DDB2: variants seen among roughly 807,000 people sequenced by gnomAD.
DDB2 encodes the protein DNA damage-binding protein 2.
In DDB2, 27 loss-of-function variants were observed where a neutral mutation model predicts 50.5. The observed-to-expected ratio is 0.53, with a 90% CI of 0.39 to 0.74. The LOEUF is 0.74. Among genes scored for constraint, DDB2 ranks in the 30% least tolerant of loss-of-function variants. The pLI is 0.00. For missense variants in DDB2, 424 were observed against 545.6 expected (o/e 0.78, Z 2.22); for synonymous variants, 176 against 205.5 (o/e 0.86, Z 1.23).
At chr11:47,222,542 C>T (rs2135492873) in intron 3 of DDB2, among the ~76,000 whole-genome samples, 1 of 152,298 alleles carries the variant, frequency 6.6e-6, no homozygotes, top group South Asian at 2.1e-4. Flanking sequence ...ACAGAGGTCT[C>T]ACTGTGTTGC....
Position 47,238,864 on chromosome 11 carries a change from G to C in DDB2, c.*15G>C. 6.2e-7 allele frequency: 1 copy of C among 1,613,026 alleles called. No individual in the cohort carries two copies. Among genetic ancestry groups the C allele is most frequent in the Non-Finnish European group, 8.5e-7 (1 of 1,179,776 alleles). On this transcript the variant is annotated 3_prime_UTR_variant, in exon 10 of 10. Transcript: ENST00000256996. ...CACGGAAGTGAGAGACACTAAAGAA[G>C]GTGTGGGCCAGACAAGGCCTTGGAG...
intron 3 of DDB2, among the ~76,000 whole-genome samples, chr11:47,225,556 C>T (rs1429230401): frequency 2.0e-5 from 3 of 151,580 alleles, no homozygotes; most frequent in Admixed American, 2.0e-4. Flanking sequence ...TATGCCACTG[C>T]ACTCCAGCCT....
upstream of DDB2, chr11:47,214,649 T>C (rs1165970089): frequency 1.5e-5 from 3 of 195,262 alleles, no homozygotes; most frequent in African/African-American, 2.4e-5. Flanking sequence ...CGTACGCTTG[T>C]AGTCCCATCT....
At chr11:47,215,339 T>C in intron 1 of DDB2, 76 bp downstream of exon 1, 1 of 1,607,114 alleles carries the variant, frequency 6.2e-7, no homozygotes, top group East Asian at 2.2e-5. Flanking sequence ...GGGGGATGGG[T>C]GCTCCGAGGC....
At chr11:47,238,098 C>T (rs1444440321) in intron 8 of DDB2, 40 bp from the exon 9 acceptor site, 1 of 1,609,452 alleles carries the variant, frequency 6.2e-7, no homozygotes, top group Non-Finnish European at 8.5e-7. Context: ...TCTGCTAATA[C>T]CTTCACCCTC....
At chr11:47,229,977 T>C (rs1043129103) in intron 3 of DDB2, among the ~76,000 whole-genome samples, 1 of 151,808 alleles carries the variant, frequency 6.6e-6, no homozygotes, top group Non-Finnish European at 1.5e-5. Context: ...AGCACAGGTG[T>C]GCACCATCAC....
At chr11:47,228,723 G>A (rs1455369325) in intron 3 of DDB2, among the ~76,000 whole-genome samples, 2 of 148,554 alleles carry the variant, frequency 1.3e-5, no homozygotes, top group South Asian at 2.1e-4. Context: ...TTGGGAGGCC[G>A]AGGCAGGCGG....
At chr11:47,222,364 G>GT (rs1322907071) in intron 3 of DDB2, among the ~76,000 whole-genome samples, 1 of 150,376 alleles carries the variant, frequency 6.6e-6, no homozygotes, top group Non-Finnish European at 1.5e-5. Context: ...ATGGTTCATT[G>GT]TTTTTTGTTT....
At chr11:47,219,592 C>T (rs1348081171) in intron 3 of DDB2, among the ~76,000 whole-genome samples, 1 of 152,084 alleles carries the variant, frequency 6.6e-6, no homozygotes, top group Non-Finnish European at 1.5e-5. Context: ...TCAAGCAATC[C>T]TTCTGTCTTG....
At position 47,237,833 on chromosome 11, in the gene DDB2, C is replaced by T; in HGVS notation, c.1024-4C>T. The T allele has an allele frequency of 6.2e-7, 1 of 1,614,116 alleles. No individual in the cohort carries two copies. The highest frequency in any genetic ancestry group is 2.2e-5 in the East Asian group (1 of 44,886). ...CCCTCATGGCCGGCCTCTCCATCTC[C>T]TAGGCAGCCTGGCATCCTCGCTACA... On this transcript the variant is annotated splice_polypyrimidine_tract_variant and splice_region_variant and intron_variant, in intron 7 of 9. Transcript: ENST00000256996.
chr11:47,214,850 C>G (rs947069807), upstream of DDB2: 21 of 493,642 alleles, frequency 4.3e-5, no homozygotes, highest in Middle Eastern at 1.2e-3. Flanking sequence ...GGCACTGGCC[C>G]TGGCGCAGTT....
In DDB2 at chr11:47,235,251, G is replaced by T. The variant is rs1206149991; in HGVS notation, c.881-19G>T. On this transcript the variant is annotated intron_variant, in intron 6 of 9. Transcript: ENST00000256996. ...AGGGCTTGTGGTTCCTTCAGCTCAG[G>T]GGCTTTTCACTTTGCCAGCTTGTTT... 2 of 1,614,208 alleles carry T rather than the reference G, an allele frequency of 1.2e-6. No individual in the cohort carries two copies. Among genetic ancestry groups the T allele is most frequent in the Admixed American group, 3.3e-5 (2 of 60,036 alleles).
At position 47,235,290 on chromosome 11, in the gene DDB2, G is replaced by GC; in HGVS notation, c.904dup (p.Arg302ProfsTer59). On this transcript the variant is annotated frameshift_variant, in exon 7 of 10. Transcript: ENST00000256996. LOFTEE classifies it high-confidence loss of function. ...GCCAGCTTGTTTCAGTCCCGATGGAGCCCGGCTCCTGACCACGGACCAGAA... is the reference window on the plus strand; with the variant it reads ...GCCAGCTTGTTTCAGTCCCGATGGAGCCCCGGCTCCTGACCACGGACCAGAA... The GC allele has an allele frequency of 1.2e-6, 2 of 1,614,228 alleles. No homozygotes were observed. Among genetic ancestry groups the GC allele is most frequent in the Middle Eastern group, 1.6e-4 (1 of 6,062 alleles).
At chr11:47,235,111 A>T in intron 6 of DDB2, 159 bp from the exon 7 acceptor site, 1 of 1,327,804 alleles carries the variant, frequency 7.5e-7, no homozygotes, top group South Asian at 1.2e-5. Context: ...AGTTTCCAGA[A>T]TTTTTTTGTT....
chr11:47,218,848 C>G (rs1413935150), intron 3 of DDB2, among the ~76,000 whole-genome samples: 1 of 151,482 alleles, frequency 6.6e-6, no homozygotes, highest in Non-Finnish European at 1.5e-5. Flanking sequence ...TTTTCTCAAA[C>G]AAAGACACAA....
upstream of DDB2, chr11:47,214,727 C>T (rs1953372969): frequency 3.0e-6 from 1 of 336,230 alleles, no homozygotes; most frequent in African/African-American, 2.1e-5. Flanking sequence ...GCTATGATCG[C>T]CCCACTGCCC....
intron 3 of DDB2, among the ~76,000 whole-genome samples, chr11:47,230,636 G>A (rs1039326671): frequency 1.3e-5 from 2 of 152,174 alleles, no homozygotes; most frequent in African/African-American, 2.4e-5. Flanking sequence ...TAGAATGACC[G>A]TGAGGTTAGA....
intron 3 of DDB2, among the ~76,000 whole-genome samples, chr11:47,232,021 TAAAAA>T (rs539193994): frequency 1.3e-5 from 2 of 148,524 alleles, no homozygotes; most frequent in African/African-American, 5.0e-5. Flanking sequence ...ATATGTTAAT[TAAAAA>T]AAAAAGTAAA....
At chr11:47,224,258 C>T (rs1399777085) in intron 3 of DDB2, among the ~76,000 whole-genome samples, 1 of 151,782 alleles carries the variant, frequency 6.6e-6, no homozygotes, top group African/African-American at 2.4e-5. Flanking sequence ...GACAAAGTCT[C>T]ACTCTGTCGC....
Sources: allele counts gnomAD v4.1 joint callset (sites outside exome capture counted in the v4.1 genomes callset), GRCh38; gene constraint gnomAD v4.1.1; transcripts MANE v1.5; gene names NCBI Gene and HGNC (gene_info 2026-07-23, HGNC 2026-07-21).